The following TNR variants were observed in gnomAD, a reference collection of about 807,000 sequenced individuals.
TNR encodes tenascin R.
In TNR, 45 loss-of-function variants were observed where a neutral mutation model predicts 150.4. That is an observed-to-expected ratio of 0.30 (90% CI 0.24 to 0.38). The LOEUF (loss-of-function observed/expected upper bound fraction) is 0.38. Ranked by LOEUF, TNR falls within the 10% of genes least tolerant of loss-of-function variation. The probability of loss-of-function intolerance (pLI) is 1.00; values close to 1 mark genes in which losing one functional copy is unlikely to be tolerated. For synonymous variants in TNR, 687 were observed against 678.4 expected (o/e 1.01, Z -0.20); for missense variants, 1,544 against 1,759.1 (o/e 0.88, Z 2.19).
intron 2 of TNR, among the ~76,000 whole-genome samples, chr1:175,522,239 G>A (rs1659666734): frequency 6.6e-6 from 1 of 152,150 alleles, no homozygotes; most frequent in South Asian, 2.1e-4. Flanking sequence ...TAGGAGCTAG[G>A]GATTGTGTCT....
chr1:175,331,077 C>CTTTCCTT (rs61033216), intron 20 of TNR, among the ~76,000 whole-genome samples: 363 of 94,048 alleles, frequency 3.9e-3, no homozygotes, highest in Middle Eastern at 0.011. Flanking sequence ...TTCTTTCTTT[C>CTTTCCTT]CTTCTTTCTT....
At chr1:175,455,703 C>T (rs1168215581) in intron 2 of TNR, among the ~76,000 whole-genome samples, 1 of 152,184 alleles carries the variant, frequency 6.6e-6, no homozygotes, top group Non-Finnish European at 1.5e-5. Context: ...AAATGGGAGA[C>T]ATTCGAGGAA....
At chr1:175,374,511 T>C (rs1652280855) in intron 9 of TNR, among the ~76,000 whole-genome samples, 2 of 151,990 alleles carry the variant, frequency 1.3e-5, no homozygotes, top group South Asian at 4.1e-4. Context: ...TGTGCTTAAG[T>C]GTAAGTGCAA....
chr1:175,429,040 C>T (rs2102069103), intron 2 of TNR, among the ~76,000 whole-genome samples: 1 of 152,272 alleles, frequency 6.6e-6, no homozygotes, highest in East Asian at 1.9e-4. Context: ...AGAGTTTCAT[C>T]CTTCCATTTT....
At chr1:175,719,039 A>G (rs893674674) in intron 1 of TNR, among the ~76,000 whole-genome samples, 6 of 152,204 alleles carry the variant, frequency 3.9e-5, no homozygotes, top group African/African-American at 1.2e-4. Context: ...GTGGCCATCC[A>G]GGCCTATCTG....
At chr1:175,410,839 G>A (rs374057687) in intron 2 of TNR, among the ~76,000 whole-genome samples, 23 of 152,260 alleles carry the variant, frequency 1.5e-4, no homozygotes, top group African/African-American at 5.5e-4. Flanking sequence ...CATGTCATGT[G>A]AGAACATGTC....
rs397745737 is a variant in TNR at position 175,647,435 on chromosome 1, C to CAA, written c.-165+95789_-165+95790dup. ...AAAATACGCTTGTTACTATTCGGTG[C>CAA]AAAAAAAAAAAAAACCTCATTGTCT... On this transcript the variant is annotated intron_variant, in intron 1 of 22. Coordinates refer to ENST00000367674, the MANE Select transcript of TNR (RefSeq NM_003285.3). 2.2e-3 allele frequency among the ~76,000 whole-genome samples: 269 copies of CAA among 121,596 alleles called. 3 individuals carry two copies. The highest frequency in any genetic ancestry group is 4.1e-3 in the Middle Eastern group (1 of 242). The allele number at this position is 121,596 out of a possible 152,430, so 79.8% of individuals were successfully genotyped here. A position where few individuals can be genotyped will look rare whatever the true frequency, so the allele number is the denominator to read the frequency against.
At chr1:175,522,576 C>A (rs1659681780) in intron 2 of TNR, among the ~76,000 whole-genome samples, 1 of 152,098 alleles carries the variant, frequency 6.6e-6, no homozygotes, top group Admixed American at 6.6e-5. Flanking sequence ...AAAAAAATTG[C>A]TTTCTTAAAT....
chr1:175,626,524 A>G (rs1664162626), intron 1 of TNR, among the ~76,000 whole-genome samples: 2 of 151,986 alleles, frequency 1.3e-5, no homozygotes, highest in Non-Finnish European at 2.9e-5. Context: ...CTCTAAAACA[A>G]TCCCTCCCTG....
At chr1:175,583,706 A>T (rs1200125180) in intron 1 of TNR, among the ~76,000 whole-genome samples, 1 of 152,154 alleles carries the variant, frequency 6.6e-6, no homozygotes, top group Non-Finnish European at 1.5e-5. Context: ...CCTTCCCCTC[A>T]TTCCTGTAGC....
chr1:175,545,375 C>G (rs1220162452), intron 1 of TNR, among the ~76,000 whole-genome samples: 1 of 151,304 alleles, frequency 6.6e-6, no homozygotes, highest in African/African-American at 2.4e-5. Context: ...GTGTAGATTA[C>G]TTATTTAATG....
chr1:175,365,231 C>G lies in TNR; in HGVS notation c.2366G>C (p.Ser789Thr). ...HLHFSHVTSS[S>T]VNITWSDPSP... Reference sequence around the variant, plus strand: ...TGGATCACTCCAAGTGATGTTCACACTGGAGGAGGTCACATGAGAAAAGTG... The same window carrying G: ...TGGATCACTCCAAGTGATGTTCACAGTGGAGGAGGTCACATGAGAAAAGTG... The change falls in exon 12 of 23, where the codon AGT becomes ACT. Residue 789 changes from serine to threonine, a missense_variant. Around this residue, in one of 2 missense-constraint regions of TNR, gnomAD observed 1,254 missense variants for 1,329.4 expected, o/e 0.94. Transcript: ENST00000367674. The G allele has an allele frequency of 6.2e-7, 1 of 1,613,812 alleles. No individual in the cohort carries two copies. The highest frequency in any genetic ancestry group is 8.5e-7 in the Non-Finnish European group (1 of 1,179,838).
At chr1:175,640,522 T>C (rs1335044191) in intron 1 of TNR, among the ~76,000 whole-genome samples, 1 of 152,200 alleles carries the variant, frequency 6.6e-6, no homozygotes, top group Non-Finnish European at 1.5e-5. Context: ...TCTAAAAGCT[T>C]ACTTTGCCCT....
intron 18 of TNR, among the ~76,000 whole-genome samples, chr1:175,342,470 G>A (rs1211775781): frequency 6.6e-6 from 1 of 152,208 alleles, no homozygotes; most frequent in East Asian, 1.9e-4. Context: ...GAGTGCTGGG[G>A]AGGTAAGCAG....
chr1:175,538,397 G>A (rs1660376432), intron 1 of TNR, among the ~76,000 whole-genome samples: 1 of 152,188 alleles, frequency 6.6e-6, no homozygotes, highest in Non-Finnish European at 1.5e-5. Context: ...CCCAAATATG[G>A]AAGTATAAGA....
rs186527006 is a variant in TNR at position 175,324,033 on chromosome 1, G to A, written c.3957+323C>T. On this transcript the variant is annotated intron_variant, in intron 22 of 22. Coordinates refer to ENST00000367674, the MANE Select transcript of TNR (RefSeq NM_003285.3). Reference sequence around the variant, plus strand: ...TTGTCCAGTTCACACTGGTATTTTCGATGTCTACCTTCCTGGGACCATTTT... The same window carrying A: ...TTGTCCAGTTCACACTGGTATTTTCAATGTCTACCTTCCTGGGACCATTTT... Among the ~76,000 whole-genome samples, 15 of 152,218 alleles carry A rather than the reference G, an allele frequency of 9.9e-5. No homozygotes were observed. In the East Asian group the frequency reaches 2.9e-3, roughly 29 times the overall value.
At chr1:175,363,488 A>T (rs1411683967) in intron 13 of TNR, among the ~76,000 whole-genome samples, 2 of 152,308 alleles carry the variant, frequency 1.3e-5, no homozygotes, top group African/African-American at 4.8e-5. Flanking sequence ...CTGCTAGTGA[A>T]GGGCCTGCTC....
chr1:175,691,373 A>T (rs79057754), intron 1 of TNR, among the ~76,000 whole-genome samples: 1 of 152,348 alleles, frequency 6.6e-6, no homozygotes, highest in African/African-American at 2.4e-5. Flanking sequence ...TTATTATGTG[A>T]CAGGCACAGT....
chr1:175,529,495 C>T (rs116733076), intron 1 of TNR, among the ~76,000 whole-genome samples: 106 of 152,310 alleles, frequency 7.0e-4, no homozygotes, highest in African/African-American at 2.5e-3. Flanking sequence ...GACAATAATT[C>T]TGAGGTGGCA....
Sources: allele counts gnomAD v4.1 joint callset (sites outside exome capture counted in the v4.1 genomes callset), GRCh38; gene constraint gnomAD v4.1.1; regional missense constraint gnomAD v4.1.1; transcripts MANE v1.5; gene names NCBI Gene and HGNC (gene_info 2026-07-23, HGNC 2026-07-21).